The following SCAP variants were observed in gnomAD, a reference collection of about 807,000 sequenced individuals.
SCAP encodes sterol regulatory element-binding protein cleavage-activating protein.
In SCAP, 65 loss-of-function variants were observed where a neutral mutation model predicts 123.6. That is an observed-to-expected ratio of 0.53 (90% CI 0.43 to 0.65). The LOEUF (loss-of-function observed/expected upper bound fraction) is 0.65. SCAP is among the 30% of genes least tolerant of loss of function. The pLI is 0.00. For synonymous variants in SCAP, 740 were observed against 726.3 expected (o/e 1.02, Z -0.30); for missense variants, 1,398 against 1,712.5 (o/e 0.82, Z 3.24).
In SCAP at chr3:47,449,499, A is replaced by G. The variant is rs1292873509; in HGVS notation, c.-98-6408T>C. Among the ~76,000 whole-genome samples, 7 of 124,240 alleles carry G rather than the reference A, an allele frequency of 5.6e-5. 1 individual carries two copies. Among genetic ancestry groups the G allele is most frequent in the African/African-American group, 1.9e-4 (7 of 36,236 alleles). The allele number at this position is 124,240 out of a possible 152,430, so 81.5% of individuals were successfully genotyped here. On this transcript the variant is annotated intron_variant, in intron 1 of 22. Transcript: ENST00000265565. ...GACTTCCTCTCCTATCCATTTGCCA[A>G]TGTCACTGCTGTCTCCACCACTACA... is the stretch of plus-strand genomic sequence containing the variant.
Position 47,425,549 on chromosome 3 carries a change from T to A in SCAP, c.973A>T (p.Ser325Cys). The change falls in exon 8 of 23, where the codon AGC becomes TGC. Residue 325 changes from serine (S) to cysteine (C), a missense_variant. By Grantham distance (112) the Ser-to-Cys change is moderately radical (BLOSUM62 -1). Transcript: ENST00000265565. ...AGTCCCACAGACATGAGCAGCGAGC[T>A]GAGCACTGTGACCACGGCAGCCAGG... ...LALAAVVTVL[S>C]SLLMSVGLCT... is the part of the protein sequence containing the mutation. 1 of 1,614,104 alleles carries A rather than the reference T, an allele frequency of 6.2e-7. No individual in the cohort carries two copies. The highest frequency in any genetic ancestry group is 8.5e-7 in the Non-Finnish European group (1 of 1,180,038).
chr3:47,428,559 C>G lies in SCAP; in HGVS notation c.364G>C (p.Ala122Pro). ...VDVFRSPLSR[A>P]FQLVEEIRNH... is the part of the protein sequence containing the mutation. ...CGGATCTCCTCCACCAGTTGGAATG[C>G]CCGGGACAAAGGTGAACGAAATACA... The change falls in exon 4 of 23, where the codon GCA becomes CCA. Residue 122 changes from alanine (A) to proline (P), a missense_variant. Ala to Pro is a conservative substitution (Grantham distance 27, BLOSUM62 -1). Transcript: ENST00000265565. 6.2e-7 allele frequency: 1 copy of G among 1,614,152 alleles called. No homozygotes were observed. The highest frequency in any genetic ancestry group is 1.1e-5 in the South Asian group (1 of 91,092).
intron 3 of SCAP, among the ~76,000 whole-genome samples, chr3:47,430,586 G>A (rs1471123471): frequency 3.3e-5 from 5 of 152,228 alleles, no homozygotes; most frequent in African/African-American, 9.6e-5. Flanking sequence ...CGAGGAAGAT[G>A]ACAAGCAGGC....
chr3:47,468,465 C>T (rs1242854810), intron 1 of SCAP, among the ~76,000 whole-genome samples: 1 of 152,156 alleles, frequency 6.6e-6, no homozygotes, highest in African/African-American at 2.4e-5. Flanking sequence ...TCTCTGATGG[C>T]CAGTGACGAC....
intron 3 of SCAP, among the ~76,000 whole-genome samples, chr3:47,433,358 CAG>C (rs1422326105): frequency 6.6e-6 from 1 of 152,142 alleles, no homozygotes; most frequent in Admixed American, 6.5e-5. Flanking sequence ...GCGCTCCAAT[CAG>C]AGAGAGAGGA....
intron 1 of SCAP, among the ~76,000 whole-genome samples, chr3:47,462,844 A>G (rs1043077539): frequency 6.6e-6 from 1 of 151,562 alleles, no homozygotes; most frequent in Non-Finnish European, 1.5e-5. Context: ...CTGATGTCCT[A>G]GAAGGTTGTG....
chr3:47,430,706 T>C (rs1706322452), intron 3 of SCAP, among the ~76,000 whole-genome samples: 1 of 152,062 alleles, frequency 6.6e-6, no homozygotes, highest in South Asian at 2.1e-4. Flanking sequence ...CTGTAAAGAC[T>C]CCCCGGGAGT....
intron 4 of SCAP, 23 bp from the exon 5 acceptor site, chr3:47,427,690 CACCTGCTGTGTCTGCCACCACAGGGCAG>C (rs1321498888): frequency 6.2e-7 from 1 of 1,605,148 alleles, no homozygotes; most frequent in Non-Finnish European, 8.5e-7. Context: ...CAGGACAAGG[CACCTGCTGTGTCTGCCACCACAGGGCAG>C]ACCTGCTGTA....
chr3:47,469,074 A>G (rs1354634923), intron 1 of SCAP, among the ~76,000 whole-genome samples: 3 of 152,368 alleles, frequency 2.0e-5, no homozygotes, highest in African/African-American at 7.2e-5. Context: ...TGGGCCAGGC[A>G]CGTTGGCTCA....
In SCAP at chr3:47,473,080, C is replaced by CAAAAAAAAAAAAAAAAAAAA. The variant is rs34472664; in HGVS notation, c.-99+2718_-99+2719insTTTTTTTTTTTTTTTTTTTT. ...GGGCAAGAAGAGCGAAACTCCATCT[C>CAAAAAAAAAAAAAAAAAAAA]AAAAAAAAAAAAAAAAAAACAGACT... On this transcript the variant is annotated intron_variant, in intron 1 of 22. Coordinates refer to ENST00000265565, the MANE Select transcript of SCAP (RefSeq NM_012235.4). Among the ~76,000 whole-genome samples, 189 of 38,044 alleles carry CAAAAAAAAAAAAAAAAAAAA rather than the reference C, an allele frequency of 5.0e-3. 29 individuals carry two copies. Among genetic ancestry groups the CAAAAAAAAAAAAAAAAAAAA allele is most frequent in the African/African-American group, 5.8e-3 (50 of 8,576 alleles). The allele number at this position is 38,044 out of a possible 152,430, so 25.0% of individuals were successfully genotyped here.
chr3:47,413,798 T>C lies in SCAP; in HGVS notation c.*56A>G. On this transcript the variant is annotated 3_prime_UTR_variant, in exon 23 of 23. Coordinates refer to ENST00000265565, the MANE Select transcript of SCAP (RefSeq NM_012235.4). ...CTCTTTCCCCCAAGTCCAGGTTCAG[T>C]GCATTGGCCCCCACACAGCACCCCA... 2 of 1,578,514 alleles carry C rather than the reference T, an allele frequency of 1.3e-6. No homozygotes were observed. The highest frequency in any genetic ancestry group is 3.5e-5 in the Admixed American group (2 of 57,440).
intron 3 of SCAP, among the ~76,000 whole-genome samples, chr3:47,430,159 T>C (rs1379121552): frequency 6.6e-6 from 1 of 152,190 alleles, no homozygotes; most frequent in Non-Finnish European, 1.5e-5. Flanking sequence ...TTTCACTTCA[T>C]CTGACCCTCA....
rs1705443991 is a variant in SCAP, at chr3:47,414,103, G to A, written c.3595-4C>T. On this transcript the variant is annotated splice_region_variant and splice_polypyrimidine_tract_variant and intron_variant, in intron 22 of 22. Coordinates refer to ENST00000265565, the MANE Select transcript of SCAP (RefSeq NM_012235.4). ...AGCTTGCACCACAGCCCAGGTCCTG[G>A]AGGCAAGGACATGACAAGCTCAGTC... The A allele has an allele frequency of 6.2e-7, 1 of 1,613,424 alleles. No individual in the cohort carries two copies. Among genetic ancestry groups the A allele is most frequent in the Admixed American group, 1.7e-5 (1 of 60,014 alleles).
chr3:47,425,460 C>G, intron 8 of SCAP, 25 bp downstream of exon 8: 13 of 1,610,138 alleles, frequency 8.1e-6, no homozygotes, highest in Non-Finnish European at 1.1e-5. Flanking sequence ...ACCCTGTGGC[C>G]CAGTGGAGCC....
chr3:47,443,617 C>T (rs1223925215), intron 1 of SCAP, among the ~76,000 whole-genome samples: 5 of 152,142 alleles, frequency 3.3e-5, no homozygotes, highest in Non-Finnish European at 7.4e-5. Flanking sequence ...AACATAAAAA[C>T]GCTAAAAAGC....
At chr3:47,470,977 A>G (rs1373961858) in intron 1 of SCAP, among the ~76,000 whole-genome samples, 6 of 152,220 alleles carry the variant, frequency 3.9e-5, no homozygotes. Context: ...AAAAAAGTAT[A>G]ATGAGGATTA....
chr3:47,423,093 C>T (rs1705977678), intron 9 of SCAP, among the ~76,000 whole-genome samples: 1 of 152,214 alleles, frequency 6.6e-6, no homozygotes, highest in Admixed American at 6.5e-5. Context: ...ACTCCATATC[C>T]AGCACAGGGC....
rs1705843351 is a variant in SCAP at position 47,420,492 on chromosome 3, A to C, written c.1563+62T>G. 1 of 1,435,006 alleles carries C rather than the reference A, an allele frequency of 7.0e-7. No homozygotes were observed. The highest frequency in any genetic ancestry group is 9.4e-7 in the Non-Finnish European group (1 of 1,063,738). The allele number at this position is 1,435,006 out of a possible 1,614,324, so 88.9% of individuals were successfully genotyped here. A position where few individuals can be genotyped will look rare whatever the true frequency, so the allele number is the denominator to read the frequency against. On this transcript the variant is annotated intron_variant, in intron 12 of 22. Transcript: ENST00000265565. This position sits in a 1 kb window ranked among gnomAD's most constrained non-coding sequence, Gnocchi z 5.0. ...CCACTCTAAGGCCAAGTGCAGCACC[A>C]CAAGGGGCCTGGAGCACCGGCCCTC...
chr3:47,417,409 T>C lies in SCAP; in HGVS notation c.2865A>G (p.Lys955=). Residue 955 remains lysine, a synonymous_variant, in exon 17 of 23, where the codon AAA becomes AAG. Coordinates refer to ENST00000265565, the MANE Select transcript of SCAP (RefSeq NM_012235.4). ...GGGCCCAGGCGAGGGAAGGGGAGCCTTTCTCGGGGGAGCCACCCTCGTCCT... is the reference window on the plus strand; with the variant it reads ...GGGCCCAGGCGAGGGAAGGGGAGCCCTTCTCGGGGGAGCCACCCTCGTCCT... ...APEDEGGSPE[K]GSPSLAWAPS... 1.3e-6 allele frequency: 2 copies of C among 1,576,408 alleles called. No individual in the cohort carries two copies. Among genetic ancestry groups the C allele is most frequent in the Non-Finnish European group, 1.7e-6 (2 of 1,162,864 alleles).
Sources: allele counts gnomAD v4.1 joint callset (sites outside exome capture counted in the v4.1 genomes callset), GRCh38; gene constraint gnomAD v4.1.1; non-coding constraint Gnocchi (gnomAD v3.1); transcripts MANE v1.5; gene names NCBI Gene and HGNC (gene_info 2026-07-23, HGNC 2026-07-21).